MEGF6: variants seen among roughly 807,000 people sequenced by gnomAD.
MEGF6 encodes multiple epidermal growth factor-like domains protein 6.
In MEGF6, 184 loss-of-function variants were observed where a neutral mutation model predicts 207.1. The observed-to-expected ratio is 0.89, with a 90% CI of 0.79 to 1.00. MEGF6 has a LOEUF of 1.00. Ranked by LOEUF, MEGF6 falls within the 50% of genes least tolerant of loss-of-function variation. The pLI is 0.00. For synonymous variants in MEGF6, 1,038 were observed against 910.0 expected (o/e 1.14, Z -2.53); for missense variants, 2,282 against 2,202.9 (o/e 1.04, Z -0.72).
intron 17 of MEGF6, among the ~76,000 whole-genome samples, chr1:3,502,554 G>A (rs1198590990): frequency 6.6e-6 from 1 of 152,168 alleles, no homozygotes; most frequent in Admixed American, 6.5e-5. Flanking sequence ...GGAGGGCAGG[G>A]GGCCTCCTGG....
At chr1:3,530,952 G>T in intron 4 of MEGF6, 1 of 1,282,566 alleles carries the variant, frequency 7.8e-7, no homozygotes, top group Non-Finnish European at 1.0e-6. Context: ...GCCGGGCACT[G>T]CCCCGCCCTG....
intron 2 of MEGF6, among the ~76,000 whole-genome samples, chr1:3,598,781 C>T (rs915118964): frequency 6.6e-5 from 10 of 150,688 alleles, no homozygotes; most frequent in Non-Finnish European, 1.2e-4. Flanking sequence ...GTGGAGGCCA[C>T]GGCTCAGGGA....
rs1459274207 is a variant in MEGF6 at position 3,489,157 on chromosome 1, T to C, written c.*1371A>G. 6.6e-6 allele frequency among the ~76,000 whole-genome samples: 1 copy of C among 152,130 alleles called. No homozygotes were observed. Among genetic ancestry groups the C allele is most frequent in the Non-Finnish European group, 1.5e-5 (1 of 68,018 alleles). On this transcript the variant is annotated 3_prime_UTR_variant, in exon 37 of 37. Transcript: ENST00000356575. The stretch of plus-strand genomic sequence containing the variant: ...TGCATCCCCACCATCCTGCCCTCCC[T>C]TATCACTGTTCTACTTTAAAGTCTC...
In MEGF6 at chr1:3,522,584, G is replaced by C. The variant is rs572719313; in HGVS notation, c.604+1540C>G. 1.2e-3 allele frequency among the ~76,000 whole-genome samples: 181 copies of C among 151,986 alleles called. 1 individual carries two copies. Among genetic ancestry groups the C allele is most frequent in the South Asian group, 4.4e-3 (21 of 4,804 alleles). The stretch of plus-strand genomic sequence containing the variant: ...CCGGCTATAGGAGGAGACTCCAGCC[G>C]GGTGAGTGATGGGTGGGTGGGCAGT... On this transcript the variant is annotated intron_variant, in intron 5 of 36. Coordinates refer to ENST00000356575, the MANE Select transcript of MEGF6 (RefSeq NM_001409.4).
upstream of MEGF6, among the ~76,000 whole-genome samples, chr1:3,612,422 G>C (rs536669517): frequency 1.3e-5 from 2 of 152,346 alleles, no homozygotes; most frequent in South Asian, 4.1e-4. Context: ...GTTTGAAATT[G>C]ACTCCAGGGG....
chr1:3,618,941 T>C, the MEGF6 span, among the ~76,000 whole-genome samples: 3,921 of 152,280 alleles, frequency 0.026, 163 homozygotes, highest in African/African-American at 0.087. This position sits in a 1 kb window ranked among gnomAD's most constrained non-coding sequence, Gnocchi z 4.7. Context: ...ACACAAACCC[T>C]TGGGCTGCCC....
At chr1:3,509,019 G>T in intron 12 of MEGF6, 56 bp downstream of exon 12, 1 of 1,461,856 alleles carries the variant, frequency 6.8e-7, no homozygotes, top group Non-Finnish European at 9.1e-7. Flanking sequence ...AGCCCGAGGG[G>T]TCGCTGGCTG....
intron 4 of MEGF6, among the ~76,000 whole-genome samples, chr1:3,552,005 G>A (rs1642904109): frequency 1.3e-5 from 2 of 152,118 alleles, no homozygotes; most frequent in Non-Finnish European, 2.9e-5. Flanking sequence ...AACCACACTT[G>A]TCCCCAAGTC....
At chr1:3,567,826 T>C (rs1473497972) in intron 4 of MEGF6, among the ~76,000 whole-genome samples, 1 of 152,178 alleles carries the variant, frequency 6.6e-6, no homozygotes, top group African/African-American at 2.4e-5. Context: ...TGTGTTTCTA[T>C]GACAGGTTCA....
chr1:3,501,917 G>A lies in MEGF6; in HGVS notation c.2193C>T (p.Cys731=), dbSNP rs202052071. ...GFQGEDCGQE[C]PVGTFGVNCS... Reference sequence around the variant, plus strand: ...AGTTCACGCCAAACGTCCCCACCGGGCACTCTGCAGGAGAAAGCACGAGGG... The same window carrying A: ...AGTTCACGCCAAACGTCCCCACCGGACACTCTGCAGGAGAAAGCACGAGGG... Residue 731 remains cysteine (C), a synonymous_variant, in exon 18 of 37, where the codon TGC becomes TGT. Coordinates refer to ENST00000356575, the MANE Select transcript of MEGF6 (RefSeq NM_001409.4). 2.7e-5 allele frequency: 44 copies of A among 1,606,776 alleles called. 2 individuals are homozygous for A. In the Admixed American group the frequency reaches 5.8e-4, roughly 21 times the overall value.
At chr1:3,508,753 C>A (rs1304792883) in intron 12 of MEGF6, 64 bp from the exon 13 acceptor site, 2 of 1,578,804 alleles carry the variant, frequency 1.3e-6, no homozygotes, top group Non-Finnish European at 1.7e-6. Context: ...GCACAGAGGC[C>A]CGGCTCAGAC....
Position 3,500,669 on chromosome 1 carries a change from A to G in MEGF6, c.2671T>C (p.Cys891Arg), listed in dbSNP as rs2100925553. ...CGCGGGCCCACGTAGCCAGCCTCAC[A>G]CAGACACAGGCCGCTGATGGCATCA... is the stretch of plus-strand genomic sequence containing the variant. ...SCDAISGLCL[C>R]EAGYVGPRCE... The change falls in exon 21 of 37, where the codon TGT (cysteine) becomes CGT (arginine). Residue 891 changes from cysteine to arginine, a missense_variant. Physicochemically the swap from Cys to Arg is radical, Grantham distance 180 (BLOSUM62 -3). Transcript: ENST00000356575. 1.3e-6 allele frequency: 2 copies of G among 1,571,074 alleles called. No individual in the cohort carries two copies. The highest frequency in any genetic ancestry group is 1.7e-6 in the Non-Finnish European group (2 of 1,158,348).
intron 5 of MEGF6, among the ~76,000 whole-genome samples, chr1:3,517,953 A>T (rs2820995): frequency 1.3e-5 from 2 of 152,228 alleles, no homozygotes; most frequent in African/African-American, 4.8e-5. Context: ...GATGGTCAGC[A>T]TGCATAATCG....
the MEGF6 span, chr1:3,623,636 TG>T: frequency 0.023 from 3,438 of 152,418 alleles, 58 homozygotes; most frequent in Non-Finnish European, 0.032. Context: ...AACATGCGTC[TG>T]GGCACACCAG....
chr1:3,506,241 GGGCAGCGGGGCTCCATGTGAACCTTGGT>G lies in MEGF6; in HGVS notation c.1790-33_1790-6del. On this transcript the variant is annotated splice_polypyrimidine_tract_variant and splice_region_variant and intron_variant, in intron 14 of 36. Coordinates refer to ENST00000356575, the MANE Select transcript of MEGF6 (RefSeq NM_001409.4). Reference sequence around the variant, plus strand: ...CATAGTAGCCCTTGGGGCAGCCTGGGGGCAGCGGGGCTCCATGTGAACCTTGGTGGCAGCCAGCCTACCACATGTGGTC... The same window carrying G: ...CATAGTAGCCCTTGGGGCAGCCTGGGGGCAGCCAGCCTACCACATGTGGTC... The G allele has an allele frequency of 6.2e-7, 1 of 1,607,784 alleles. No homozygotes were observed. The highest frequency in any genetic ancestry group is 8.5e-7 in the Non-Finnish European group (1 of 1,177,910).
intron 4 of MEGF6, among the ~76,000 whole-genome samples, chr1:3,532,989 C>T (rs1642223902): frequency 1.3e-5 from 2 of 152,206 alleles, no homozygotes; most frequent in South Asian, 2.1e-4. Flanking sequence ...GAACTCCAGC[C>T]CCGGCAACTC....
chr1:3,506,707 C>CCA (rs1641132681), intron 14 of MEGF6, among the ~76,000 whole-genome samples: 1 of 152,190 alleles, frequency 6.6e-6, no homozygotes, highest in South Asian at 2.1e-4. Flanking sequence ...GGGTCCTGCC[C>CCA]CACGTCCTTC....
chr1:3,602,348 T>G lies in MEGF6; in HGVS notation c.266+118A>C, dbSNP rs112589871. ...CTCAGATGAGGGCTTCAGGCAGGGGTTGCGTGTGGCCCTGAGACCAGGACG... is the reference window on the plus strand; with the variant it reads ...CTCAGATGAGGGCTTCAGGCAGGGGGTGCGTGTGGCCCTGAGACCAGGACG... On this transcript the variant is annotated intron_variant, in intron 2 of 36. Coordinates refer to ENST00000356575, the MANE Select transcript of MEGF6 (RefSeq NM_001409.4). 13,092 of 1,433,246 alleles carry G rather than the reference T, an allele frequency of 9.1e-3. 974 individuals are homozygous for G. In the African/African-American group the frequency reaches 0.16, roughly 18 times the overall value. 88.8% of individuals were successfully genotyped at this position (1,433,246 alleles called of 1,614,324 possible).
At chr1:3,575,941 G>C (rs190637080) in intron 4 of MEGF6, among the ~76,000 whole-genome samples, 1 of 152,216 alleles carries the variant, frequency 6.6e-6, no homozygotes, top group Admixed American at 6.5e-5. Flanking sequence ...GGCCCACTCC[G>C]GGCCTCACCT....
Sources: allele counts gnomAD v4.1 joint callset (sites outside exome capture counted in the v4.1 genomes callset), GRCh38; gene constraint gnomAD v4.1.1; non-coding constraint Gnocchi (gnomAD v3.1); transcripts MANE v1.5; gene names NCBI Gene and HGNC (gene_info 2026-07-23, HGNC 2026-07-21).